GLIS3: variants seen among roughly 807,000 people sequenced by gnomAD.
The protein encoded by GLIS3 is GLIS family zinc finger 3, also known as zinc finger protein GLIS3.
In GLIS3, 53 loss-of-function variants were observed where a neutral mutation model predicts 78.6. The ratio of observed to expected loss-of-function variants is 0.67; its 90% CI spans 0.54 to 0.85. The LOEUF is 0.85. Ranked by LOEUF, GLIS3 falls within the 40% of genes least tolerant of loss-of-function variation. GLIS3 has a pLI of 0.00. For missense variants in GLIS3, 1,703 were observed against 1,231.1 expected, an observed-to-expected ratio of 1.38 and a Z score of -5.74; for synonymous variants, 684 against 509.9, an observed-to-expected ratio of 1.34 and a Z score of -4.60.
At chr9:3,865,255 C>T (rs1005842645) in intron 8 of GLIS3, among the ~76,000 whole-genome samples, 2 of 152,182 alleles carry the variant, frequency 1.3e-5, no homozygotes, top group Non-Finnish European at 2.9e-5. Context: ...ACTCTCCTTA[C>T]CAGCAATCAA....
intron 4 of GLIS3, among the ~76,000 whole-genome samples, chr9:4,083,020 C>A (rs1026899524): frequency 7.9e-5 from 12 of 152,122 alleles, no homozygotes; most frequent in Non-Finnish European, 1.0e-4. Context: ...AGACCTAGGT[C>A]TGAAGTGGTG....
At chr9:4,181,131 G>T (rs940977762) in intron 2 of GLIS3, among the ~76,000 whole-genome samples, 1 of 152,206 alleles carries the variant, frequency 6.6e-6, no homozygotes, top group Non-Finnish European at 1.5e-5. Context: ...GAATGCTTTT[G>T]CCTGATGGTA....
intron 4 of GLIS3, among the ~76,000 whole-genome samples, chr9:4,102,628 G>A (rs1413099938): frequency 6.6e-6 from 1 of 152,066 alleles, no homozygotes; most frequent in East Asian, 1.9e-4. Context: ...CAGTCCAAAT[G>A]TCCAAAATGT....
intron 2 of GLIS3, among the ~76,000 whole-genome samples, chr9:4,143,172 T>G (rs1204482957): frequency 6.6e-6 from 1 of 152,148 alleles, no homozygotes; most frequent in Non-Finnish European, 1.5e-5. Flanking sequence ...TGTGAAACAA[T>G]TACCACAATC....
chr9:4,378,473 G>A, the GLIS3 span, among the ~76,000 whole-genome samples: 1 of 152,104 alleles, frequency 6.6e-6, no homozygotes, highest in Non-Finnish European at 1.5e-5. Context: ...ACTCTGGGAA[G>A]AACCAGGAAG....
intron 2 of GLIS3, among the ~76,000 whole-genome samples, chr9:4,187,245 A>C (rs1300396174): frequency 1.3e-5 from 2 of 152,216 alleles, no homozygotes. Context: ...CCATTTATTA[A>C]ATAGGGAATC....
intron 8 of GLIS3, among the ~76,000 whole-genome samples, chr9:3,874,672 G>A (rs1036645647): frequency 1.3e-5 from 2 of 152,200 alleles, no homozygotes; most frequent in African/African-American, 4.8e-5. Flanking sequence ...GTTGCAATTA[G>A]AGGACACCCA....
At chr9:4,080,812 G>A (rs934679739) in intron 4 of GLIS3, among the ~76,000 whole-genome samples, 2 of 152,100 alleles carry the variant, frequency 1.3e-5, no homozygotes, top group Non-Finnish European at 2.9e-5. Context: ...GGCAGATAAC[G>A]CAAGGCTCTT....
chr9:4,046,987 G>T (rs541974979), intron 4 of GLIS3, among the ~76,000 whole-genome samples: 1 of 152,260 alleles, frequency 6.6e-6, no homozygotes, highest in East Asian at 1.9e-4. Context: ...GAAAGTTGTC[G>T]GAGTGTAGAC....
chr9:4,467,725 C>T, the GLIS3 span, among the ~76,000 whole-genome samples: 9 of 152,306 alleles, frequency 5.9e-5, no homozygotes, highest in African/African-American at 2.2e-4. Context: ...CAGAGGGCCT[C>T]TTCACCCCCA....
chr9:4,000,935 T>C (rs1030738681), intron 4 of GLIS3, among the ~76,000 whole-genome samples: 1 of 152,200 alleles, frequency 6.6e-6, no homozygotes, highest in African/African-American at 2.4e-5. Flanking sequence ...CTCTGTACTT[T>C]CACAAAGCTA....
chr9:3,831,290 T>C (rs953794969), intron 9 of GLIS3, among the ~76,000 whole-genome samples: 2 of 152,212 alleles, frequency 1.3e-5, no homozygotes, highest in African/African-American at 4.8e-5. Flanking sequence ...CCCAAAGGCA[T>C]GGTTTCAATA....
chr9:4,469,212 C>T, the GLIS3 span, among the ~76,000 whole-genome samples: 3 of 152,206 alleles, frequency 2.0e-5, no homozygotes, highest in Non-Finnish European at 4.4e-5. Context: ...CCACTGTCAA[C>T]ATTAGACAGA....
chr9:4,044,793 C>A (rs1459162398), intron 4 of GLIS3, among the ~76,000 whole-genome samples: 2 of 152,244 alleles, frequency 1.3e-5, no homozygotes, highest in Non-Finnish European at 2.9e-5. Flanking sequence ...GGGACTAACA[C>A]AGACTCTTCA....
chr9:4,236,639 C>G (rs549013695), intron 2 of GLIS3, among the ~76,000 whole-genome samples: 1 of 152,142 alleles, frequency 6.6e-6, no homozygotes, highest in Non-Finnish European at 1.5e-5. Flanking sequence ...ACATAATTCA[C>G]TTCAGGGTTA....
chr9:4,396,139 A>G, the GLIS3 span, among the ~76,000 whole-genome samples: 1 of 149,594 alleles, frequency 6.7e-6, no homozygotes, highest in African/African-American at 2.5e-5. Flanking sequence ...TTTAGATGGA[A>G]TCTCACTCCG....
At chr9:4,347,582 T>C (rs1384967399) in intron 1 of GLIS3, among the ~76,000 whole-genome samples, 3 of 152,200 alleles carry the variant, frequency 2.0e-5, no homozygotes, top group African/African-American at 4.8e-5. Flanking sequence ...AGTGAAGTTT[T>C]ATATGTGTGC....
intron 2 of GLIS3, among the ~76,000 whole-genome samples, chr9:4,246,369 A>C (rs867626022): frequency 2.0e-5 from 3 of 152,354 alleles, no homozygotes; most frequent in African/African-American, 2.4e-5. Flanking sequence ...CCAGAGGAAG[A>C]AACAGGCCAC....
chr9:4,414,486 T>C, the GLIS3 span, among the ~76,000 whole-genome samples: 3 of 152,140 alleles, frequency 2.0e-5, no homozygotes, highest in African/African-American at 4.8e-5. Context: ...GATATTGGGG[T>C]GGTCAAACAA....
Sources: gnomAD v4.1 joint callset for allele counts (sites outside exome capture counted in the v4.1 genomes callset) on GRCh38, gnomAD v4.1.1 for gene constraint, MANE v1.5 for transcripts, NCBI Gene and HGNC (gene_info 2026-07-23, HGNC 2026-07-21) for gene names.